Variants in IREB2 observed in about 807,000 individuals in gnomAD.
IREB2 encodes the protein iron-responsive element-binding protein 2.
Under a neutral mutation model 118.8 loss-of-function variants are expected in IREB2, and 39 were observed. That is an observed-to-expected ratio of 0.33 (90% CI 0.25 to 0.43). IREB2 has a LOEUF of 0.43. Ranked by LOEUF, IREB2 falls within the 20% of genes least tolerant of loss-of-function variation. The pLI is 1.00. For synonymous variants in IREB2, 372 were observed against 392.2 expected, an observed-to-expected ratio of 0.95 and a Z score of 0.61; for missense variants, 900 against 1,147.3, an observed-to-expected ratio of 0.78 and a Z score of 3.11.
intron 10 of IREB2, among the ~76,000 whole-genome samples, chr15:78,481,493 C>G (rs1166783882): frequency 1.3e-5 from 2 of 150,668 alleles, no homozygotes; most frequent in African/African-American, 4.9e-5. Context: ...GTAGCTGAGA[C>G]TACAGGTGCC....
intron 11 of IREB2, among the ~76,000 whole-genome samples, chr15:78,484,278 T>C (rs1227514476): frequency 6.6e-6 from 1 of 152,190 alleles, no homozygotes; most frequent in African/African-American, 2.4e-5. Context: ...AGTGTTAAAC[T>C]TGTACAAAAA....
intron 5 of IREB2, among the ~76,000 whole-genome samples, chr15:78,468,248 T>C (rs1313625894): frequency 6.6e-6 from 1 of 152,152 alleles, no homozygotes; most frequent in Non-Finnish European, 1.5e-5. Flanking sequence ...GTTAGTAAAC[T>C]GTCTTTTTTT....
chr15:78,500,845 ATCCC>A lies in IREB2; in HGVS notation c.*2705_*2708del, dbSNP rs1340262360. 6.6e-6 allele frequency: 1 copy of A among 152,246 alleles called. No individual in the cohort carries two copies. Among genetic ancestry groups the A allele is most frequent in the Non-Finnish European group, 1.5e-5 (1 of 68,040 alleles). 9.4% of individuals were successfully genotyped at this position (152,246 alleles called of 1,614,324 possible). A position where few individuals can be genotyped will look rare whatever the true frequency, so the allele number is the denominator to read the frequency against. Reference sequence around the variant, plus strand: ...CTGACATTTGAAAGAAGGTACTAGTATCCCTCTAGCCAGATTGCTTAGTTTTTCG... The same window carrying A: ...CTGACATTTGAAAGAAGGTACTAGTATCTAGCCAGATTGCTTAGTTTTTCG... On this transcript the variant is annotated 3_prime_UTR_variant, in exon 22 of 22. Transcript: ENST00000258886.
At chr15:78,489,914 A>G (rs1234167846) in intron 16 of IREB2, among the ~76,000 whole-genome samples, 1 of 152,186 alleles carries the variant, frequency 6.6e-6, no homozygotes, top group African/African-American at 2.4e-5. Context: ...TTAGACATTA[A>G]CAGCATACCT....
chr15:78,452,894 G>T lies in IREB2; in HGVS notation c.107-10028G>T, dbSNP rs2051048807. Among the ~76,000 whole-genome samples the T allele has an allele frequency of 3.3e-5, 5 of 152,194 alleles. No homozygotes were observed. In the South Asian group the frequency reaches 1.0e-3, roughly 32 times the overall value. ...TGGACAGTTTATTACTCACAGCAAA[G>T]CATTATCCTTATTAACAGTATTTAT... On this transcript the variant is annotated intron_variant, in intron 2 of 21. Transcript: ENST00000258886.
At chr15:78,467,647 G>A (rs777278408) in intron 5 of IREB2, among the ~76,000 whole-genome samples, 3 of 151,758 alleles carry the variant, frequency 2.0e-5, no homozygotes, top group Non-Finnish European at 2.9e-5. Flanking sequence ...CCGAGATCAC[G>A]CCACTGCACT....
rs1596016998 is a variant in IREB2, at chr15:78,493,937, G to A, written c.2353G>A (p.Gly785Arg). 8 of 1,613,630 alleles carry A rather than the reference G, an allele frequency of 5.0e-6. No homozygotes were observed. Among genetic ancestry groups the A allele is most frequent in the Non-Finnish European group, 6.8e-6 (8 of 1,179,796 alleles). Reference sequence around the variant, plus strand: ...TACCCCTCGTGAATTCAACTCTTACGGAGCTCGAAGAGGTAATGATGCTGT... The same window carrying A: ...TACCCCTCGTGAATTCAACTCTTACAGAGCTCGAAGAGGTAATGATGCTGT... ...GLTPREFNSY[G>R]ARRGNDAVMT... The change falls in exon 19 of 22, where the codon GGA becomes AGA. Residue 785 changes from glycine to arginine, a missense_variant. Coordinates refer to ENST00000258886, the MANE Select transcript of IREB2 (RefSeq NM_004136.4).
chr15:78,444,981 C>T (rs1341046783), intron 2 of IREB2, among the ~76,000 whole-genome samples: 1 of 152,116 alleles, frequency 6.6e-6, no homozygotes, highest in Non-Finnish European at 1.5e-5. Flanking sequence ...TAACTTTTCT[C>T]TATTTATAAA....
At chr15:78,463,226 C>T in intron 3 of IREB2, 139 bp downstream of exon 3, 2 of 731,000 alleles carry the variant, frequency 2.7e-6, no homozygotes, top group Non-Finnish European at 4.4e-6. Context: ...ATCACTTGAG[C>T]CTGGGAGTTT....
rs906166813 is a variant in IREB2, at chr15:78,487,716, T to A, written c.1710-17T>A. ...TGTTGTGATGTGCTATTCAGTCACTTTTTTTTTGAAATGCAGATTTGAAAT... is the reference window on the plus strand; with the variant it reads ...TGTTGTGATGTGCTATTCAGTCACTATTTTTTTGAAATGCAGATTTGAAAT... On this transcript the variant is annotated splice_polypyrimidine_tract_variant and intron_variant, in intron 13 of 21. Coordinates refer to ENST00000258886, the MANE Select transcript of IREB2 (RefSeq NM_004136.4). 1 of 1,466,814 alleles carries A rather than the reference T, an allele frequency of 6.8e-7. No individual in the cohort carries two copies. Among genetic ancestry groups the A allele is most frequent in the Non-Finnish European group, 9.5e-7 (1 of 1,048,164 alleles). The allele number at this position is 1,466,814 out of a possible 1,614,324, so 90.9% of individuals were successfully genotyped here.
chr15:78,478,652 G>C (rs753456264), intron 10 of IREB2, among the ~76,000 whole-genome samples: 2 of 152,210 alleles, frequency 1.3e-5, no homozygotes, highest in Non-Finnish European at 2.9e-5. Context: ...GTTGCAGTGA[G>C]CTGAGATTGT....
chr15:78,479,962 G>A (rs927468664), intron 10 of IREB2: 2 of 151,628 alleles, frequency 1.3e-5, no homozygotes, highest in African/African-American at 4.8e-5. Flanking sequence ...TATCAAAATA[G>A]GCAGAATTCA....
chr15:78,468,961 ATTTCT>A (rs2141484358), intron 5 of IREB2, among the ~76,000 whole-genome samples: 1 of 152,270 alleles, frequency 6.6e-6, no homozygotes, highest in East Asian at 1.9e-4. Flanking sequence ...AAAATCATTG[ATTTCT>A]TTAGTTTTTG....
chr15:78,501,258 ACTT>A lies in IREB2; in HGVS notation c.*3116_*3118del, dbSNP rs1188659874. On this transcript the variant is annotated 3_prime_UTR_variant, in exon 22 of 22. Transcript: ENST00000258886. The stretch of plus-strand genomic sequence containing the variant: ...ATCTCACTTAAGTAACAAAGTAATC[ACTT>A]TGTCTATCACTAAGTAATAGACAAA... 6.6e-6 allele frequency: 1 copy of A among 152,558 alleles called. No homozygotes were observed. Among genetic ancestry groups the A allele is most frequent in the Non-Finnish European group, 1.5e-5 (1 of 68,036 alleles). The allele number at this position is 152,558 out of a possible 1,614,324, so 9.5% of individuals were successfully genotyped here.
chr15:78,466,134 C>A, intron 4 of IREB2, 137 bp from the exon 5 acceptor site: 1 of 505,638 alleles, frequency 2.0e-6, no homozygotes, highest in African/African-American at 1.9e-5. Context: ...CCTTTGAAAC[C>A]TGAGTTAAAT....
At chr15:78,468,580 T>C (rs866992940) in intron 5 of IREB2, among the ~76,000 whole-genome samples, 28 of 151,954 alleles carry the variant, frequency 1.8e-4, no homozygotes, top group African/African-American at 6.5e-4. Context: ...TTACTTGCAC[T>C]TTAGGTTTTA....
At chr15:78,479,534 G>C (rs1382213726) in intron 10 of IREB2, among the ~76,000 whole-genome samples, 1 of 151,692 alleles carries the variant, frequency 6.6e-6, no homozygotes, top group Admixed American at 6.6e-5. Context: ...ACCAAGCCCA[G>C]CCTATGAAGT....
At chr15:78,479,882 C>T (rs1328978485) in intron 10 of IREB2, among the ~76,000 whole-genome samples, 1 of 148,198 alleles carries the variant, frequency 6.7e-6, no homozygotes, top group Non-Finnish European at 1.5e-5. Context: ...GGTCATGCCA[C>T]TGCACTCTAG....
At position 78,472,044 on chromosome 15, in the gene IREB2, A is replaced by C. The variant is rs996667818; in HGVS notation, c.883+120A>C. The C allele has an allele frequency of 4.9e-5, 33 of 667,808 alleles. No homozygotes were observed. In the African/African-American group the frequency reaches 6.0e-4, roughly 12 times the overall value. The allele number at this position is 667,808 out of a possible 1,614,324, so 41.4% of individuals were successfully genotyped here. A position where few individuals can be genotyped will look rare whatever the true frequency, so the allele number is the denominator to read the frequency against. On this transcript the variant is annotated intron_variant, in intron 7 of 21. Coordinates refer to ENST00000258886, the MANE Select transcript of IREB2 (RefSeq NM_004136.4). ...TTGAGGCTCTGTGTTTTTCATCTGT[A>C]ATAACAGCAGCAACAACAAAATCCT...
Sources: allele counts gnomAD v4.1 joint callset (sites outside exome capture counted in the v4.1 genomes callset), GRCh38; gene constraint gnomAD v4.1.1; transcripts MANE v1.5; gene names NCBI Gene and HGNC (gene_info 2026-07-23, HGNC 2026-07-21).